The following STK3 variants were observed in gnomAD, a reference collection of about 807,000 sequenced individuals.
The protein encoded by STK3 is serine/threonine kinase 3.
In STK3, 41 loss-of-function variants were observed where a neutral mutation model predicts 58.0. That is an observed-to-expected ratio of 0.71 (90% confidence interval 0.55 to 0.92). STK3 has a LOEUF of 0.92. STK3 is among the 40% of genes least tolerant of loss of function. STK3 has a pLI of 0.00. For synonymous variants in STK3, 170 were observed against 191.0 expected, an observed-to-expected ratio of 0.89 and a Z score of 0.91; for missense variants, 479 against 602.7, an observed-to-expected ratio of 0.79 and a Z score of 2.15.
Position 98,594,018 on chromosome 8 carries a change from T to C in STK3, c.822+2014A>G, listed in dbSNP as rs545744453. The stretch of plus-strand genomic sequence containing the variant: ...CCTTTGGACTACTTTAAAATACATA[T>C]ATATTTCAGCAGGGCGAGATAGCTC... On this transcript the variant is annotated intron_variant, in intron 7 of 10. Transcript: ENST00000419617. Among the ~76,000 whole-genome samples, 5 of 152,216 alleles carry C rather than the reference T, an allele frequency of 3.3e-5. No homozygotes were observed. In the South Asian group the frequency reaches 6.2e-4, roughly 19 times the overall value.
intron 6 of STK3, among the ~76,000 whole-genome samples, chr8:98,647,423 G>A (rs891895967): frequency 3.9e-5 from 6 of 151,974 alleles, no homozygotes; most frequent in Non-Finnish European, 8.8e-5. Flanking sequence ...CTCCTTCTAG[G>A]ATGTAATCTC....
chr8:98,681,485 C>A (rs1348543405), intron 6 of STK3, among the ~76,000 whole-genome samples: 1 of 152,022 alleles, frequency 6.6e-6, no homozygotes, highest in East Asian at 1.9e-4. Flanking sequence ...AGTGTTAAAG[C>A]CTATCTGGTG....
intron 9 of STK3, among the ~76,000 whole-genome samples, chr8:98,544,256 C>A (rs1160516176): frequency 1.3e-5 from 2 of 152,274 alleles, no homozygotes; most frequent in East Asian, 3.9e-4. Context: ...ATGCTTATTA[C>A]ACAGGATGTT....
intron 10 of STK3, among the ~76,000 whole-genome samples, chr8:98,513,720 C>T (rs967426582): frequency 1.2e-4 from 18 of 152,108 alleles, no homozygotes; most frequent in African/African-American, 4.3e-4. Flanking sequence ...CACATTTCCC[C>T]TATCTACCCA....
At chr8:98,832,151 G>A (rs1473234826) in intron 3 of STK3, among the ~76,000 whole-genome samples, 3 of 151,712 alleles carry the variant, frequency 2.0e-5, no homozygotes, top group African/African-American at 4.8e-5. Context: ...CATAGCCTCT[G>A]TCAGAAACCG....
intron 10 of STK3, among the ~76,000 whole-genome samples, chr8:98,467,193 G>A (rs534846731): frequency 9.2e-5 from 14 of 151,994 alleles, no homozygotes; most frequent in Non-Finnish European, 1.9e-4. Context: ...ATGGATCTCT[G>A]GAAGGCTCCT....
chr8:98,663,904 T>C lies in STK3; in HGVS notation c.684+42563A>G, dbSNP rs1293923174. ...CTCCTTTACAACAAACTTTTCCTTATATATAAAATACAGCAAAAATAGTAC... is the reference window on the plus strand; with the variant it reads ...CTCCTTTACAACAAACTTTTCCTTACATATAAAATACAGCAAAAATAGTAC... On this transcript the variant is annotated intron_variant, in intron 6 of 10. Transcript: ENST00000419617. Among the ~76,000 whole-genome samples the C allele has an allele frequency of 5.3e-5, 8 of 152,320 alleles. No individual in the cohort carries two copies. The South Asian group carries it at 8.3e-4, about 16-fold the overall frequency.
chr8:98,560,980 C>T (rs1252281833), intron 8 of STK3, among the ~76,000 whole-genome samples: 12 of 152,030 alleles, frequency 7.9e-5, no homozygotes, highest in Admixed American at 7.9e-4. Context: ...CTGCAGTGAG[C>T]CGTGATTGCT....
At chr8:98,719,645 T>C (rs977402355) in intron 4 of STK3, among the ~76,000 whole-genome samples, 1 of 152,234 alleles carries the variant, frequency 6.6e-6, no homozygotes, top group African/African-American at 2.4e-5. Flanking sequence ...TATCTTCATG[T>C]AGAGGCAATC....
At chr8:98,908,843 C>CAAAAAAAAAAA (rs1187304586) in intron 1 of STK3, among the ~76,000 whole-genome samples, 4 of 60,444 alleles carry the variant, frequency 6.6e-5, no homozygotes, top group South Asian at 5.9e-4. Flanking sequence ...GACTTCTTCT[C>CAAAAAAAAAAA]AAAAAAAAAA....
At chr8:98,419,926 G>A (rs1818151463) in intron 3 of STK3, among the ~76,000 whole-genome samples, 1 of 152,188 alleles carries the variant, frequency 6.6e-6, no homozygotes, top group East Asian at 1.9e-4. Context: ...GCCGGGAAAG[G>A]ATTCTGGGGC....
intron 6 of STK3, among the ~76,000 whole-genome samples, chr8:98,657,107 C>T (rs567918845): frequency 2.0e-4 from 30 of 151,778 alleles, no homozygotes; most frequent in Non-Finnish European, 2.9e-4. Context: ...GTTAGAAGAG[C>T]TAAGAAAAAA....
At chr8:98,655,065 C>T (rs976118531) in intron 6 of STK3, among the ~76,000 whole-genome samples, 6 of 151,860 alleles carry the variant, frequency 4.0e-5, no homozygotes, top group African/African-American at 1.4e-4. Context: ...GGAGGCATCA[C>T]ACTACCTGAC....
At chr8:98,423,221 GT>G (rs1320520487) in intron 3 of STK3, among the ~76,000 whole-genome samples, 2 of 152,238 alleles carry the variant, frequency 1.3e-5, no homozygotes, top group Non-Finnish European at 2.9e-5. Context: ...TTTAATATAC[GT>G]GTCGTGAAGG....
chr8:98,836,442 C>A (rs1323483547), intron 3 of STK3, among the ~76,000 whole-genome samples: 1 of 152,214 alleles, frequency 6.6e-6, no homozygotes, highest in African/African-American at 2.4e-5. Flanking sequence ...CCTCCCAAGT[C>A]CCCATCTCCA....
At chr8:98,574,553 A>C (rs1813230406) in intron 8 of STK3, among the ~76,000 whole-genome samples, 1 of 152,252 alleles carries the variant, frequency 6.6e-6, no homozygotes, top group African/African-American at 2.4e-5. Flanking sequence ...GGAAACAATT[A>C]TCTCAACAAA....
chr8:98,722,128 G>A (rs1043544940), intron 4 of STK3, among the ~76,000 whole-genome samples: 1 of 151,996 alleles, frequency 6.6e-6, no homozygotes, highest in African/African-American at 2.4e-5. Flanking sequence ...CCAGAGAAAG[G>A]AAAGACTACT....
chr8:98,827,377 A>G (rs1397355688), upstream of STK3, among the ~76,000 whole-genome samples: 1 of 152,238 alleles, frequency 6.6e-6, no homozygotes, highest in Non-Finnish European at 1.5e-5. Context: ...GTAGAGTTAC[A>G]TAGAATTTTC....
At chr8:98,753,925 GT>G (rs1436356745) in intron 3 of STK3, among the ~76,000 whole-genome samples, 1 of 152,072 alleles carries the variant, frequency 6.6e-6, no homozygotes, top group Admixed American at 6.5e-5. Flanking sequence ...AGTTGACAAG[GT>G]ACCTTACTTT....
Sources: gnomAD v4.1 joint callset for allele counts (sites outside exome capture counted in the v4.1 genomes callset) on GRCh38, gnomAD v4.1.1 for gene constraint, MANE v1.5 for transcripts, NCBI Gene and HGNC (gene_info 2026-07-23, HGNC 2026-07-21) for gene names.